The following SNX29 variants were observed in gnomAD, a reference collection of about 807,000 sequenced individuals.
The protein encoded by SNX29 is sorting nexin-29.
In SNX29, 78 loss-of-function variants were observed where a neutral mutation model predicts 102.1. The ratio of observed to expected loss-of-function variants is 0.76; its 90% confidence interval spans 0.64 to 0.92. SNX29 has a LOEUF of 0.92. Ranked by LOEUF, SNX29 falls within the 40% of genes least tolerant of loss-of-function variation. The pLI is 0.00. For missense variants in SNX29, 1,280 were observed against 1,061.7 expected, an observed-to-expected ratio of 1.21 and a Z score of -2.86; for synonymous variants, 580 against 414.5, an observed-to-expected ratio of 1.40 and a Z score of -4.85.
chr16:12,519,090 T>C (rs574530271), intron 19 of SNX29, among the ~76,000 whole-genome samples: 1 of 152,326 alleles, frequency 6.6e-6, no homozygotes, highest in East Asian at 1.9e-4. Context: ...CACTCCCGGC[T>C]TAGCCCCTAC....
chr16:11,996,091 C>T (rs181418634), intron 1 of SNX29, among the ~76,000 whole-genome samples: 1 of 151,804 alleles, frequency 6.6e-6, no homozygotes, highest in Admixed American at 6.6e-5. Flanking sequence ...AGGCCCCATC[C>T]TCAACCTCCT....
chr16:12,557,122 T>G, intron 20 of SNX29, among the ~76,000 whole-genome samples: 1 of 151,306 alleles, frequency 6.6e-6, no homozygotes, highest in East Asian at 2.0e-4. Context: ...GTGCTGAGAT[T>G]AGACACAGGA....
intron 19 of SNX29, among the ~76,000 whole-genome samples, chr16:12,516,251 G>A (rs2089859004): frequency 6.6e-6 from 1 of 152,142 alleles, no homozygotes; most frequent in African/African-American, 2.4e-5. Context: ...AGGCTGAGGA[G>A]GGAGGCTCGC....
Position 12,249,830 on chromosome 16 carries a change from C to T in SNX29, c.1679-28103C>T, listed in dbSNP as rs1412672139. Among the ~76,000 whole-genome samples the T allele has an allele frequency of 3.3e-5, 5 of 152,210 alleles. No individual in the cohort carries two copies. The East Asian group carries it at 7.7e-4, about 23-fold the overall frequency. ...AACCCACCTGTGTGCTGAGCTGTCC[C>T]GGCCCCATTAACTCATGTATTCCTT... On this transcript the variant is annotated intron_variant, in intron 14 of 20. Coordinates refer to ENST00000566228, the MANE Select transcript of SNX29 (RefSeq NM_032167.5).
chr16:11,986,581 A>G (rs1387318554), intron 1 of SNX29, among the ~76,000 whole-genome samples: 2 of 152,176 alleles, frequency 1.3e-5, no homozygotes, highest in East Asian at 3.9e-4. Flanking sequence ...ACATGATAGC[A>G]CTTATCCACG....
chr16:12,562,764 G>A (rs1420918877), intron 20 of SNX29, among the ~76,000 whole-genome samples: 1 of 152,146 alleles, frequency 6.6e-6, no homozygotes, highest in South Asian at 2.1e-4. Flanking sequence ...TTTTCACAAA[G>A]GCTTGGAGTC....
At chr16:12,522,096 C>T (rs932410571) in intron 19 of SNX29, among the ~76,000 whole-genome samples, 1 of 152,218 alleles carries the variant, frequency 6.6e-6, no homozygotes, top group Non-Finnish European at 1.5e-5. Context: ...ACGCTTCCAT[C>T]TCCCACCTGG....
chr16:12,403,261 GAGAC>G (rs1339345196), intron 17 of SNX29, among the ~76,000 whole-genome samples, 183 bp from the exon 18 acceptor site: 1 of 150,154 alleles, frequency 6.7e-6, no homozygotes, highest in African/African-American at 2.5e-5. Context: ...TGTGTAGAGA[GAGAC>G]AGACTGAGTG....
intron 16 of SNX29, among the ~76,000 whole-genome samples, chr16:12,365,935 G>T (rs752307200): frequency 6.6e-6 from 1 of 150,822 alleles, no homozygotes; most frequent in African/African-American, 2.4e-5. Flanking sequence ...CCAGCTACTC[G>T]GGAGGCTGAG....
chr16:12,380,784 C>CCCACCCTCCAT (rs1215347126), intron 16 of SNX29, among the ~76,000 whole-genome samples: 3 of 60,132 alleles, frequency 5.0e-5, no homozygotes, highest in Admixed American at 1.8e-4. Flanking sequence ...CATCCATCCA[C>CCCACCCTCCAT]CCATCCACCC....
rs1302731004 is a variant in SNX29 at position 12,243,847 on chromosome 16, G to A, written c.1679-34086G>A. On this transcript the variant is annotated intron_variant, in intron 14 of 20. Transcript: ENST00000566228. ...TCAGAGACTCATGCGGATTAAGTAG[G>A]GTAATAACTGTTAAAACTTTGTATC... Among the ~76,000 whole-genome samples, 3 of 152,134 alleles carry A rather than the reference G, an allele frequency of 2.0e-5. No individual in the cohort carries two copies. The East Asian group carries it at 5.8e-4, about 29-fold the overall frequency.
intron 16 of SNX29, chr16:12,375,128 G>C (rs148638137): frequency 6.6e-6 from 1 of 152,088 alleles, no homozygotes; most frequent in African/African-American, 2.4e-5. Flanking sequence ...CAAGAATCCT[G>C]GTGGTGCTTT....
At chr16:12,030,050 C>T (rs2057297688) in intron 4 of SNX29, among the ~76,000 whole-genome samples, 1 of 152,208 alleles carries the variant, frequency 6.6e-6, no homozygotes, top group Admixed American at 6.5e-5. Context: ...GTCTGTTCGG[C>T]AGCCTTGGGC....
intron 18 of SNX29, among the ~76,000 whole-genome samples, chr16:12,405,272 C>T (rs1464593149): frequency 6.6e-6 from 1 of 152,170 alleles, no homozygotes; most frequent in Non-Finnish European, 1.5e-5. Flanking sequence ...CTGTTTACCC[C>T]ATGAAGCAAC....
Position 12,061,452 on chromosome 16 carries a change from C to T in SNX29, c.1125-76C>T. 2.5e-6 allele frequency: 3 copies of T among 1,210,706 alleles called. 1 individual carries two copies. Among genetic ancestry groups the T allele is most frequent in the South Asian group, 2.6e-5 (2 of 76,168 alleles). The allele number at this position is 1,210,706 out of a possible 1,614,324, so 75.0% of individuals were successfully genotyped here. On this transcript the variant is annotated intron_variant, in intron 8 of 20. Transcript: ENST00000566228. Reference sequence around the variant, plus strand: ...GGCCTGGTTAGTTCTCAGGAGGGTGCTGTGGATGCTTGTTGGTGAGTCATG... The same window carrying T: ...GGCCTGGTTAGTTCTCAGGAGGGTGTTGTGGATGCTTGTTGGTGAGTCATG...
Position 12,572,688 on chromosome 16 carries a change from G to GCA in SNX29, c.*4061_*4062dup, listed in dbSNP as rs1448979111. The GCA allele has an allele frequency of 2.8e-6, 3 of 1,063,588 alleles. No homozygotes were observed. Among genetic ancestry groups the GCA allele is most frequent in the Admixed American group, 5.4e-5 (1 of 18,668 alleles). The allele number at this position is 1,063,588 out of a possible 1,614,324, so 65.9% of individuals were successfully genotyped here. ...GCAGCACCCACACGGGGGAAGCCCT[G>GCA]CACTCCAGCAGCATCTTCCAGCCTT... On this transcript the variant is annotated 3_prime_UTR_variant, in exon 21 of 21. Transcript: ENST00000566228.
rs2079164941 is a variant in SNX29, at chr16:12,570,514, C to T, written c.*1885C>T. 4.3e-6 allele frequency: 1 copy of T among 232,694 alleles called. No homozygotes were observed. The highest frequency in any genetic ancestry group is 8.5e-6 in the Non-Finnish European group (1 of 117,744). 14.4% of individuals were successfully genotyped at this position (232,694 alleles called of 1,614,324 possible). The stretch of plus-strand genomic sequence containing the variant: ...ATGACCCCTTAGGTTGGGTTTATGC[C>T]ACATCGGTCATTTTGAAGTAGGTGT... On this transcript the variant is annotated 3_prime_UTR_variant, in exon 21 of 21. Transcript: ENST00000566228.
intron 15 of SNX29, among the ~76,000 whole-genome samples, chr16:12,304,040 C>T (rs1204392466): frequency 1.3e-5 from 2 of 152,172 alleles, no homozygotes; most frequent in East Asian, 1.9e-4. Flanking sequence ...ATTGGTAAGG[C>T]AGTTGTTGCC....
chr16:12,410,558 G>A (rs1044031690), intron 18 of SNX29, among the ~76,000 whole-genome samples: 4 of 152,122 alleles, frequency 2.6e-5, no homozygotes, highest in Admixed American at 2.0e-4. Context: ...CAATCCTCCT[G>A]CCTCAGCCTC....
Sources: gnomAD v4.1 joint callset for allele counts (sites outside exome capture counted in the v4.1 genomes callset) on GRCh38, gnomAD v4.1.1 for gene constraint, MANE v1.5 for transcripts, NCBI Gene and HGNC (gene_info 2026-07-23, HGNC 2026-07-21) for gene names.